The following CLN8 variants were observed in gnomAD, a reference collection of about 807,000 sequenced individuals.
The protein encoded by CLN8 is protein CLN8.
Under a neutral mutation model 15.7 loss-of-function variants are expected in CLN8, and 14 were observed. That is an observed-to-expected ratio of 0.89 (90% confidence interval 0.59 to 1.39). The LOEUF (loss-of-function observed/expected upper bound fraction) is 1.39. CLN8 is among the 40% of genes most tolerant of loss of function. The pLI is 0.00. For synonymous variants in CLN8, 188 were observed against 151.0 expected (o/e 1.25, Z -1.80); for missense variants, 415 against 364.0 (o/e 1.14, Z -1.14).
At chr8:1,763,754 G>A (rs1418008304), upstream of CLN8, 1 of 147,648 alleles carries the variant, frequency 6.8e-6, no homozygotes, top group Non-Finnish European at 1.5e-5. Flanking sequence ...ACGCGCGTGC[G>A]AACGCGCGTG....
At chr8:1,755,546 A>G (rs1477667058), upstream of CLN8, among the ~76,000 whole-genome samples, 2 of 152,124 alleles carry the variant, frequency 1.3e-5, no homozygotes, top group East Asian at 3.9e-4. Context: ...TGTTCTCTGA[A>G]CACCGTGTCG....
At chr8:1,755,769 C>T (rs534840806), upstream of CLN8, 2 of 152,300 alleles carry the variant, frequency 1.3e-5, no homozygotes, top group African/African-American at 4.8e-5. Context: ...TGATTCTAAC[C>T]TCCTCTGGAA....
upstream of CLN8, among the ~76,000 whole-genome samples, chr8:1,760,961 T>C (rs1800781553): frequency 6.6e-6 from 1 of 151,680 alleles, no homozygotes; most frequent in Admixed American, 6.6e-5. Flanking sequence ...GTAAATAACG[T>C]TATCCTTGGC....
At position 1,782,742 on chromosome 8, in the gene CLN8, A is replaced by G. The variant is rs1361924624; in HGVS notation, c.*2175A>G. On this transcript the variant is annotated 3_prime_UTR_variant, in exon 3 of 3. Coordinates refer to ENST00000331222, the MANE Select transcript of CLN8 (RefSeq NM_018941.4). Reference sequence around the variant, plus strand: ...TCTCAAAATAAACTAACCTATTCATATTGCTGTGAATGCTTTATCTTGGAG... The same window carrying G: ...TCTCAAAATAAACTAACCTATTCATGTTGCTGTGAATGCTTTATCTTGGAG... 1 of 152,236 alleles carries G rather than the reference A, an allele frequency of 6.6e-6. No homozygotes were observed. The highest frequency in any genetic ancestry group is 1.9e-4 in the East Asian group (1 of 5,198). The allele number at this position is 152,236 out of a possible 1,614,324, so 9.4% of individuals were successfully genotyped here. A position where few individuals can be genotyped will look rare whatever the true frequency, so the allele number is the denominator to read the frequency against.
At chr8:1,753,845 C>T (rs1476549101), upstream of CLN8, among the ~76,000 whole-genome samples, 2 of 151,298 alleles carry the variant, frequency 1.3e-5, no homozygotes, top group East Asian at 1.9e-4. Flanking sequence ...GAGATCGCGC[C>T]ATTGCACTCC....
At chr8:1,756,142 T>C (rs530686600) in intron 1 of CLN8, 1 of 152,326 alleles carries the variant, frequency 6.6e-6, no homozygotes, top group African/African-American at 2.4e-5. Flanking sequence ...GCTTTCTGGA[T>C]CTGCCTACTT....
rs1801739368 is a variant in CLN8, at chr8:1,782,771, G to C, written c.*2204G>C. 6.6e-6 allele frequency: 1 copy of C among 152,240 alleles called. No homozygotes were observed. The highest frequency in any genetic ancestry group is 2.1e-4 in the South Asian group (1 of 4,832). The allele number at this position is 152,240 out of a possible 1,614,324, so 9.4% of individuals were successfully genotyped here. On this transcript the variant is annotated 3_prime_UTR_variant, in exon 3 of 3. Coordinates refer to ENST00000331222, the MANE Select transcript of CLN8 (RefSeq NM_018941.4). ...CTGTGAATGCTTTATCTTGGAGATA[G>C]AAAATATAATGATAAATTCATCATG...
chr8:1,784,848 T>G lies in CLN8; in HGVS notation c.*4281T>G, dbSNP rs1458907862. ...CAGTTTCACCCTCGCACAGGCTGCCTGGCAAGACCAGCGGCTGGAGGTGAT... is the reference window on the plus strand; with the variant it reads ...CAGTTTCACCCTCGCACAGGCTGCCGGGCAAGACCAGCGGCTGGAGGTGAT... On this transcript the variant is annotated 3_prime_UTR_variant, in exon 3 of 3. Transcript: ENST00000331222. 6.6e-6 allele frequency: 1 copy of G among 152,338 alleles called. No homozygotes were observed. Among genetic ancestry groups the G allele is most frequent in the African/African-American group, 2.4e-5 (1 of 41,436 alleles). The allele number at this position is 152,338 out of a possible 1,614,324, so 9.4% of individuals were successfully genotyped here. A position where few individuals can be genotyped will look rare whatever the true frequency, so the allele number is the denominator to read the frequency against.
At chr8:1,765,746 C>T (rs147668351) in intron 1 of CLN8, among the ~76,000 whole-genome samples, 247 of 152,298 alleles carry the variant, frequency 1.6e-3, no homozygotes, top group African/African-American at 5.7e-3. Context: ...ATTGAAACCA[C>T]AGCCTTTGGG....
intron 1 of CLN8, among the ~76,000 whole-genome samples, chr8:1,757,059 G>GATATCC (rs1407930608): frequency 2.0e-5 from 3 of 152,202 alleles, no homozygotes; most frequent in East Asian, 1.9e-4. Context: ...TCCAAGAGAT[G>GATATCC]AAGCTGGAGA....
chr8:1,770,832 A>G, intron 1 of CLN8, 100 bp from the exon 2 acceptor site: 3 of 603,194 alleles, frequency 5.0e-6, no homozygotes. Flanking sequence ...AGAATAAGGT[A>G]CAGAATTAAA....
At chr8:1,772,453 A>C (rs1418928658) in intron 2 of CLN8, among the ~76,000 whole-genome samples, 1 of 151,208 alleles carries the variant, frequency 6.6e-6, no homozygotes, top group Non-Finnish European at 1.5e-5. Context: ...TTCATGTTAA[A>C]CTCTTTAAAC....
At chr8:1,763,288 G>GC (rs1800855588), upstream of CLN8, 1 of 150,794 alleles carries the variant, frequency 6.6e-6, no homozygotes, top group South Asian at 1.9e-4. Flanking sequence ...TGCCCGCGGA[G>GC]CCCCACCGCC....
intron 1 of CLN8, among the ~76,000 whole-genome samples, chr8:1,769,479 G>C (rs1319220019): frequency 6.6e-6 from 1 of 152,168 alleles, no homozygotes; most frequent in Non-Finnish European, 1.5e-5. Context: ...GGTGTTCCCA[G>C]CCCTGCTGTC....
At chr8:1,760,902 G>T (rs375691911), upstream of CLN8, among the ~76,000 whole-genome samples, 14 of 152,054 alleles carry the variant, frequency 9.2e-5, no homozygotes, top group African/African-American at 3.4e-4. Flanking sequence ...CAAGCTACGT[G>T]TAAGTGCAGG....
intron 2 of CLN8, 108 bp downstream of exon 2, chr8:1,771,705 A>G (rs1260342800): frequency 1.0e-6 from 1 of 977,814 alleles, no homozygotes; most frequent in African/African-American, 1.6e-5. Context: ...ATTGCAGCAC[A>G]CACATTCAGT....
rs1043130488 is a variant in CLN8 at position 1,781,127 on chromosome 8, G to A, written c.*560G>A. The A allele has an allele frequency of 2.0e-5, 3 of 153,756 alleles. No individual in the cohort carries two copies. The highest frequency in any genetic ancestry group is 4.3e-5 in the Non-Finnish European group (3 of 69,202). 9.5% of individuals were successfully genotyped at this position (153,756 alleles called of 1,614,324 possible). The stretch of plus-strand genomic sequence containing the variant: ...AATCCCAGCACGTTGGGAGGCCGAG[G>A]CAGGTGGATCACTTGAGGCCAGGAG... On this transcript the variant is annotated 3_prime_UTR_variant, in exon 3 of 3. Transcript: ENST00000331222.
intron 1 of CLN8, among the ~76,000 whole-genome samples, chr8:1,766,583 A>G (rs1025378582): frequency 6.6e-5 from 10 of 151,774 alleles, no homozygotes; most frequent in Non-Finnish European, 8.8e-5. Context: ...AGTAGAGACA[A>G]GGTTTCACCA....
rs1003657407 is a variant in CLN8, at chr8:1,763,892, G to T, written c.-124+7G>T. The stretch of plus-strand genomic sequence containing the variant: ...CGGCTGAGTGGCAGCCCAGGTGAGC[G>T]CTCAGGGAGCCCGGGTGAGGGCCGG... On this transcript the variant is annotated splice_region_variant and intron_variant, in intron 1 of 2. Coordinates refer to ENST00000331222, the MANE Select transcript of CLN8 (RefSeq NM_018941.4). 6.6e-6 allele frequency: 1 copy of T among 152,594 alleles called. No individual in the cohort carries two copies. The highest frequency in any genetic ancestry group is 2.4e-5 in the African/African-American group (1 of 41,262). 9.5% of individuals were successfully genotyped at this position (152,594 alleles called of 1,614,324 possible). A position where few individuals can be genotyped will look rare whatever the true frequency, so the allele number is the denominator to read the frequency against.
Sources: gnomAD v4.1 joint callset for allele counts (sites outside exome capture counted in the v4.1 genomes callset) on GRCh38, gnomAD v4.1.1 for gene constraint, MANE v1.5 for transcripts, NCBI Gene and HGNC (gene_info 2026-07-23, HGNC 2026-07-21) for gene names.